SERTM1: variants seen among roughly 807,000 people sequenced by gnomAD.
SERTM1 encodes the protein serine rich and transmembrane domain containing 1, also known as serine-rich and transmembrane domain-containing protein 1.
A neutral mutation model predicts 5.5 loss-of-function variants in SERTM1; 1 was observed. The observed-to-expected ratio is 0.18, with a 90% CI of 0.06 to 0.86. The LOEUF is 0.86. Ranked by LOEUF, SERTM1 falls within the 40% of genes least tolerant of loss-of-function variation. The pLI is 0.69. For missense variants in SERTM1, 91 were observed against 122.4 expected (o/e 0.74, Z 1.21); for synonymous variants, 52 against 55.1 (o/e 0.94, Z 0.25).
chr13:36,674,149 A>G lies in SERTM1; in HGVS notation c.-209A>G, dbSNP rs1209930664. The stretch of plus-strand genomic sequence containing the variant: ...AGCACCGCCCCACCGCTAGCGCAGG[A>G]GACCTGCCGGGGAAGTCGCGTGTCC... On this transcript the variant is annotated 5_prime_UTR_variant, in exon 1 of 2. Transcript: ENST00000315190. 1.3e-5 allele frequency: 2 copies of G among 152,248 alleles called. No individual in the cohort carries two copies. The highest frequency in any genetic ancestry group is 2.9e-5 in the Non-Finnish European group (2 of 68,130). The allele number at this position is 152,248 out of a possible 1,614,324, so 9.4% of individuals were successfully genotyped here. A position where few individuals can be genotyped will look rare whatever the true frequency, so the allele number is the denominator to read the frequency against.
Position 36,695,382 on chromosome 13 carries a change from T to G in SERTM1, c.304T>G (p.Phe102Val). ...CAGCATTTCCTCTCAGAGGTCCACT[T>G]TTTCAAACCTTTCATCCTGAGGAAA... ...VCSISSQRST[F>V]SNLSS The change falls in exon 2 of 2, where the codon TTT becomes GTT. Residue 102 changes from phenylalanine to valine, a missense_variant. Coordinates refer to ENST00000315190, the MANE Select transcript of SERTM1 (RefSeq NM_203451.3). 6.2e-7 allele frequency: 1 copy of G among 1,613,656 alleles called. No individual in the cohort carries two copies. The highest frequency in any genetic ancestry group is 8.5e-7 in the Non-Finnish European group (1 of 1,179,808).
chr13:36,694,825 A>G lies in SERTM1; in HGVS notation c.-173-81A>G, dbSNP rs567694661. 273 of 502,544 alleles carry G rather than the reference A, an allele frequency of 5.4e-4. 7 individuals carry two copies. The South Asian group carries it at 7.8e-3, about 14-fold the overall frequency. The allele number at this position is 502,544 out of a possible 1,614,324, so 31.1% of individuals were successfully genotyped here. A position where few individuals can be genotyped will look rare whatever the true frequency, so the allele number is the denominator to read the frequency against. On this transcript the variant is annotated intron_variant, in intron 1 of 1. Transcript: ENST00000315190. ...TCCTCCATGCTGAGTTTTCTAACTAATCCTTACTGAAATAAAACCTAAAAA... is the reference window on the plus strand; with the variant it reads ...TCCTCCATGCTGAGTTTTCTAACTAGTCCTTACTGAAATAAAACCTAAAAA...
chr13:36,694,056 A>G (rs558968080), intron 1 of SERTM1, among the ~76,000 whole-genome samples: 1 of 152,250 alleles, frequency 6.6e-6, no homozygotes, highest in South Asian at 2.1e-4. Flanking sequence ...TTTTTTCTCC[A>G]ATGCTTTACA....
intron 1 of SERTM1, among the ~76,000 whole-genome samples, chr13:36,689,048 GCCTGGA>G (rs1396494213): frequency 6.6e-6 from 1 of 152,142 alleles, no homozygotes. Context: ...AAAATGCTAT[GCCTGGA>G]CCTGGTTTTG....
rs2056802895 is a variant in SERTM1 at position 36,694,914 on chromosome 13, C to T, written c.-165C>T. 3.5e-6 allele frequency: 2 copies of T among 578,040 alleles called. No individual in the cohort carries two copies. The highest frequency in any genetic ancestry group is 2.3e-5 in the South Asian group (1 of 42,694). The allele number at this position is 578,040 out of a possible 1,614,324, so 35.8% of individuals were successfully genotyped here. A position where few individuals can be genotyped will look rare whatever the true frequency, so the allele number is the denominator to read the frequency against. The stretch of plus-strand genomic sequence containing the variant: ...TTGCTTTTTTTTTTCAGTCTCAATG[C>T]ACATCTGATACCTGCTGCCTTTGAG... On this transcript the variant is annotated 5_prime_UTR_variant, in exon 2 of 2. Transcript: ENST00000315190.
chr13:36,697,825 T>G lies in SERTM1; in HGVS notation c.*2423T>G. On this transcript the variant is annotated 3_prime_UTR_variant, in exon 2 of 2. Coordinates refer to ENST00000315190, the MANE Select transcript of SERTM1 (RefSeq NM_203451.3). Reference sequence around the variant, plus strand: ...GAAGATGGGTTTATAAATAAAGAAGTGGAGTCCATTGAAAGCCTGGTTCTT... The same window carrying G: ...GAAGATGGGTTTATAAATAAAGAAGGGGAGTCCATTGAAAGCCTGGTTCTT... 2 of 167,146 alleles carry G rather than the reference T, an allele frequency of 1.2e-5. No homozygotes were observed. 10.4% of individuals were successfully genotyped at this position (167,146 alleles called of 1,614,324 possible). A position where few individuals can be genotyped will look rare whatever the true frequency, so the allele number is the denominator to read the frequency against.
chr13:36,677,862 A>G (rs1276272011), intron 1 of SERTM1, among the ~76,000 whole-genome samples: 2 of 152,336 alleles, frequency 1.3e-5, no homozygotes, highest in Non-Finnish European at 2.9e-5. Context: ...GGGATATACT[A>G]TTCTCATTTC....
At chr13:36,674,738 G>T (rs1446987519) in intron 1 of SERTM1, among the ~76,000 whole-genome samples, 1 of 152,174 alleles carries the variant, frequency 6.6e-6, no homozygotes, top group Non-Finnish European at 1.5e-5. Context: ...CTGACAGCTG[G>T]CTTTGCACCT....
chr13:36,693,169 A>G (rs990606840), intron 1 of SERTM1, among the ~76,000 whole-genome samples: 3 of 152,148 alleles, frequency 2.0e-5, no homozygotes, highest in Admixed American at 6.5e-5. Context: ...TTATTTCTCT[A>G]TTTCCTCTGC....
intron 1 of SERTM1, among the ~76,000 whole-genome samples, chr13:36,691,024 G>A (rs548048440): frequency 3.7e-4 from 56 of 152,308 alleles, no homozygotes; most frequent in African/African-American, 1.3e-3. Context: ...ACATAGAAAT[G>A]TATTTGAATA....
rs897407741 is a variant in SERTM1 at position 36,689,677 on chromosome 13, GT to G, written c.-173-5219del. 6.4e-3 allele frequency among the ~76,000 whole-genome samples: 927 copies of G among 145,950 alleles called. 9 individuals carry two copies. Among genetic ancestry groups the G allele is most frequent in the African/African-American group, 0.022 (881 of 40,040 alleles). ...TCCTTTTTTGAAAGATTCTCCTGTG[GT>G]TTTTTTTTTAGTTTCCCTCAATCAA... On this transcript the variant is annotated intron_variant, in intron 1 of 1. Coordinates refer to ENST00000315190, the MANE Select transcript of SERTM1 (RefSeq NM_203451.3).
At position 36,684,012 on chromosome 13, in the gene SERTM1, A is replaced by G. The variant is rs1321735102; in HGVS notation, c.-174+9828A>G. Among the ~76,000 whole-genome samples the G allele has an allele frequency of 2.0e-5, 3 of 152,164 alleles. No individual in the cohort carries two copies. The East Asian group carries it at 5.8e-4, about 29-fold the overall frequency. ...CTTGGACAAGCCTTTAAATTCTCTG[A>G]GCTTGTGGGGCGCAGTGGCTTACGC... On this transcript the variant is annotated intron_variant, in intron 1 of 1. Transcript: ENST00000315190.
chr13:36,694,197 A>T (rs900795927), intron 1 of SERTM1, among the ~76,000 whole-genome samples: 8 of 152,242 alleles, frequency 5.3e-5, no homozygotes, highest in Admixed American at 3.9e-4. Flanking sequence ...CCAGTTTCCC[A>T]AAGATAATGG....
intron 1 of SERTM1, among the ~76,000 whole-genome samples, chr13:36,687,972 A>T (rs1382829999): frequency 2.7e-5 from 4 of 150,712 alleles, no homozygotes; most frequent in Non-Finnish European, 5.9e-5. Flanking sequence ...CAAAAAAAAA[A>T]GCTCTGGCTG....
At chr13:36,683,488 T>C (rs999101207) in intron 1 of SERTM1, among the ~76,000 whole-genome samples, 2 of 152,188 alleles carry the variant, frequency 1.3e-5, no homozygotes, top group Non-Finnish European at 2.9e-5. Flanking sequence ...AGGAGAATGA[T>C]GCTACAGTAA....
chr13:36,687,217 A>T (rs1013662647), intron 1 of SERTM1, among the ~76,000 whole-genome samples: 1 of 152,208 alleles, frequency 6.6e-6, no homozygotes, highest in African/African-American at 2.4e-5. Context: ...AAATGTCATT[A>T]AGCGAAAGAC....
chr13:36,693,897 C>A (rs569252107), intron 1 of SERTM1, among the ~76,000 whole-genome samples: 1 of 152,248 alleles, frequency 6.6e-6, no homozygotes, highest in Admixed American at 6.5e-5. Context: ...AGGAGGGATC[C>A]TCTTGTCTCA....
chr13:36,675,516 G>GA (rs921290111), intron 1 of SERTM1, among the ~76,000 whole-genome samples: 11 of 152,056 alleles, frequency 7.2e-5, no homozygotes, highest in South Asian at 4.1e-4. Context: ...TGCACCCTCT[G>GA]AAAAAAACAA....
In SERTM1 at chr13:36,695,153, A is replaced by G. The variant is rs113509206; in HGVS notation, c.75A>G (p.Thr25=). The G allele has an allele frequency of 7.0e-5, 113 of 1,614,150 alleles. No individual in the cohort carries two copies. In the African/African-American group the frequency reaches 1.3e-3, roughly 18 times the overall value. The change falls in exon 2 of 2, where the codon ACA becomes ACG. Residue 25 remains threonine, a synonymous_variant. Coordinates refer to ENST00000315190, the MANE Select transcript of SERTM1 (RefSeq NM_203451.3). ...GAACTTTTCTTGAGCTGTTTCCCAC[A>G]TCCCTGTCCACGTCAGTGGACCCAT... The part of the protein sequence containing the change: ...ENGTFLELFP[T]SLSTSVDPSS...
Sources: gnomAD v4.1 joint callset for allele counts (sites outside exome capture counted in the v4.1 genomes callset) on GRCh38, gnomAD v4.1.1 for gene constraint, MANE v1.5 for transcripts, NCBI Gene and HGNC (gene_info 2026-07-23, HGNC 2026-07-21) for gene names.